The following LRRC8A variants were observed in gnomAD, a reference collection of about 807,000 sequenced individuals.
LRRC8A encodes leucine rich repeat containing 8 VRAC subunit A, also known as volume-regulated anion channel subunit LRRC8A.
LRRC8A carries 24 observed loss-of-function variants against 52.5 expected under a neutral mutation model. The observed-to-expected ratio is 0.46, with a 90% confidence interval of 0.33 to 0.64. The LOEUF is 0.64. Among genes scored for constraint, LRRC8A ranks in the 30% least tolerant of loss-of-function variants. LRRC8A has a pLI of 0.02. For synonymous variants in LRRC8A, 492 were observed against 494.2 expected (o/e 1.00, Z 0.06); for missense variants, 677 against 1,094.7 (o/e 0.62, Z 5.38).
Position 128,907,115 on chromosome 9 carries a change from A to G in LRRC8A, c.-8-42A>G. ...CCTGACCCCTGGTCCTAGGAAAGCC[A>G]GGCCACCCTGTGCTAACCCCCCTCC... On this transcript the variant is annotated intron_variant, in intron 2 of 3. Coordinates refer to ENST00000372600, the MANE Select transcript of LRRC8A (RefSeq NM_019594.4). The surrounding 1 kb of genome is among the most constrained non-coding windows in gnomAD (Gnocchi z 9.3). 1.3e-6 allele frequency: 2 copies of G among 1,508,596 alleles called. No homozygotes were observed. Among genetic ancestry groups the G allele is most frequent in the Non-Finnish European group, 1.8e-6 (2 of 1,106,034 alleles). 93.5% of individuals were successfully genotyped at this position (1,508,596 alleles called of 1,614,324 possible).
At chr9:128,893,018 TG>T (rs565402224) in intron 2 of LRRC8A, among the ~76,000 whole-genome samples, 4 of 152,096 alleles carry the variant, frequency 2.6e-5, no homozygotes, top group African/African-American at 7.2e-5. Flanking sequence ...TGGTGCGTGC[TG>T]GGGGGGTCTC....
intron 2 of LRRC8A, among the ~76,000 whole-genome samples, chr9:128,893,746 C>T (rs904287434): frequency 2.6e-5 from 4 of 152,144 alleles, no homozygotes; most frequent in South Asian, 2.1e-4. Flanking sequence ...CATAAACATA[C>T]CAGATTTAAA....
chr9:128,901,791 C>A (rs1170157052), intron 2 of LRRC8A, among the ~76,000 whole-genome samples: 1 of 152,148 alleles, frequency 6.6e-6, no homozygotes, highest in African/African-American at 2.4e-5. Context: ...TGGGAGGGAG[C>A]CTGCCCCTGT....
In LRRC8A at chr9:128,882,262, G is replaced by T; in HGVS notation, c.-116+12G>T. 6.5e-6 allele frequency: 1 copy of T among 152,890 alleles called. No individual in the cohort carries two copies. Among genetic ancestry groups the T allele is most frequent in the South Asian group, 2.0e-4 (1 of 5,104 alleles). 9.5% of individuals were successfully genotyped at this position (152,890 alleles called of 1,614,324 possible). On this transcript the variant is annotated intron_variant, in intron 1 of 3. Coordinates refer to ENST00000372600, the MANE Select transcript of LRRC8A (RefSeq NM_019594.4). ...CGCGGCGAGCCCAGGTGAGTGGACG[G>T]GGTGGGGAAAGGGGCGCGAGCTGTC...
At position 128,907,360 on chromosome 9, in the gene LRRC8A, AATGATTCGTTCCGGGG is replaced by A; in HGVS notation, c.197_212del (p.Asn66ThrfsTer91). On this transcript the variant is annotated frameshift_variant, in exon 3 of 4. Coordinates refer to ENST00000372600, the MANE Select transcript of LRRC8A (RefSeq NM_019594.4). LOFTEE classifies it high-confidence loss of function. The surrounding 1 kb of genome is among the most constrained non-coding windows in gnomAD (Gnocchi z 9.3). ...TAAGTGGGTCACCAAGGACTCCTGCAATGATTCGTTCCGGGGCTGGGCAGCCCCTGGCCCGGAGCCC... is the reference window on the plus strand; with the variant it reads ...TAAGTGGGTCACCAAGGACTCCTGCACTGGGCAGCCCCTGGCCCGGAGCCC... 6.2e-7 allele frequency: 1 copy of A among 1,613,784 alleles called. No individual in the cohort carries two copies.
chr9:128,888,403 G>C (rs563282309), intron 2 of LRRC8A, among the ~76,000 whole-genome samples: 1 of 152,284 alleles, frequency 6.6e-6, no homozygotes, highest in Non-Finnish European at 1.5e-5. Context: ...GACAAATTGA[G>C]TCTGAGCCAT....
chr9:128,905,103 G>A (rs1021703242), intron 2 of LRRC8A, among the ~76,000 whole-genome samples: 2 of 152,032 alleles, frequency 1.3e-5, no homozygotes, highest in Non-Finnish European at 2.9e-5. Context: ...TGACCAGGAG[G>A]TTGAGGCTGC....
At chr9:128,896,052 A>G (rs1025091787) in intron 2 of LRRC8A, among the ~76,000 whole-genome samples, 1 of 152,238 alleles carries the variant, frequency 6.6e-6, no homozygotes, top group African/African-American at 2.4e-5. Context: ...AGCACAGTTG[A>G]AGTCCCTTCC....
intron 2 of LRRC8A, among the ~76,000 whole-genome samples, chr9:128,900,688 A>G (rs1483577369): frequency 6.6e-6 from 1 of 152,188 alleles, no homozygotes; most frequent in Non-Finnish European, 1.5e-5. Flanking sequence ...CCTGAGTGAC[A>G]GATTGAGACT....
At chr9:128,905,838 G>A (rs1216807592) in intron 2 of LRRC8A, among the ~76,000 whole-genome samples, 3 of 151,756 alleles carry the variant, frequency 2.0e-5, no homozygotes, top group African/African-American at 4.8e-5. Context: ...GCAAGACTCC[G>A]TCTCAAAAAA....
intron 2 of LRRC8A, among the ~76,000 whole-genome samples, chr9:128,896,435 A>G (rs1305924146): frequency 6.6e-6 from 1 of 152,204 alleles, no homozygotes; most frequent in Non-Finnish European, 1.5e-5. Context: ...TGCATAAATA[A>G]TGAGGAGAGG....
chr9:128,907,473 G>C lies in LRRC8A; in HGVS notation c.309G>C (p.Arg103=), dbSNP rs1362702203. Residue 103 remains arginine (R), a synonymous_variant, in exon 3 of 4, where the codon CGG becomes CGC. Transcript: ENST00000372600. The surrounding 1 kb of genome is among the most constrained non-coding windows in gnomAD (Gnocchi z 9.3). ...CAGGCATCAAGTATGACCTGGACCGGCACCAGTACAACTACGTGGACGCTG... is the reference window on the plus strand; with the variant it reads ...CAGGCATCAAGTATGACCTGGACCGCCACCAGTACAACTACGTGGACGCTG... ...GPTGIKYDLD[R]HQYNYVDAVC... The C allele has an allele frequency of 6.2e-7, 1 of 1,613,798 alleles. No individual in the cohort carries two copies. Among genetic ancestry groups the C allele is most frequent in the Non-Finnish European group, 8.5e-7 (1 of 1,180,042 alleles).
chr9:128,895,850 G>A (rs1175730595), intron 2 of LRRC8A, among the ~76,000 whole-genome samples: 1 of 152,226 alleles, frequency 6.6e-6, no homozygotes, highest in Non-Finnish European at 1.5e-5. Context: ...ATGCAGGGTA[G>A]GAATGCATGA....
chr9:128,904,570 G>A (rs1039314444), intron 2 of LRRC8A, among the ~76,000 whole-genome samples: 3 of 152,104 alleles, frequency 2.0e-5, no homozygotes, highest in African/African-American at 7.2e-5. Flanking sequence ...AGAAAGGGCT[G>A]GGTGCAGTGC....
intron 3 of LRRC8A, among the ~76,000 whole-genome samples, chr9:128,915,016 G>C (rs1840745836): frequency 6.6e-6 from 1 of 152,180 alleles, no homozygotes; most frequent in Non-Finnish European, 1.5e-5. Context: ...GGACAAGTCA[G>C]CGTCTTTGGG....
Position 128,907,469 on chromosome 9 carries a change from A to C in LRRC8A, c.305A>C (p.Asp102Ala). 6.2e-7 allele frequency: 1 copy of C among 1,613,974 alleles called. No individual in the cohort carries two copies. The highest frequency in any genetic ancestry group is 1.6e-4 in the Middle Eastern group (1 of 6,062). The change falls in exon 3 of 4, where the codon GAC (aspartate) becomes GCC (alanine). Residue 102 changes from aspartate (D) to alanine (A), a missense_variant. This residue lies in a region of LRRC8A where 422 missense variants were observed against 741.5 expected (regional missense o/e 0.57). Coordinates refer to ENST00000372600, the MANE Select transcript of LRRC8A (RefSeq NM_019594.4). The surrounding 1 kb of genome is among the most constrained non-coding windows in gnomAD (Gnocchi z 9.3). ...TGPTGIKYDL[D>A]RHQYNYVDAV... ...CCCACAGGCATCAAGTATGACCTGG[A>C]CCGGCACCAGTACAACTACGTGGAC... is the stretch of plus-strand genomic sequence containing the variant.
chr9:128,909,424 C>T lies in LRRC8A; in HGVS notation c.2157+103C>T, dbSNP rs1840405008. 9 of 1,158,130 alleles carry T rather than the reference C, an allele frequency of 7.8e-6. No homozygotes were observed. In the South Asian group the frequency reaches 1.2e-4, roughly 16 times the overall value. 71.7% of individuals were successfully genotyped at this position (1,158,130 alleles called of 1,614,324 possible). A position where few individuals can be genotyped will look rare whatever the true frequency, so the allele number is the denominator to read the frequency against. On this transcript the variant is annotated intron_variant, in intron 3 of 3. Coordinates refer to ENST00000372600, the MANE Select transcript of LRRC8A (RefSeq NM_019594.4). Reference sequence around the variant, plus strand: ...CTCAGTGTCCTGGGACCGTCGATGCCCCTGAGTGTGGAGTCCTCACCTGGG... The same window carrying T: ...CTCAGTGTCCTGGGACCGTCGATGCTCCTGAGTGTGGAGTCCTCACCTGGG...
rs538384156 is a variant in LRRC8A, at chr9:128,904,706, G to A, written c.-8-2451G>A. On this transcript the variant is annotated intron_variant, in intron 2 of 3. Transcript: ENST00000372600. ...CTACAAAAAATTTTAAAAATTAGCC[G>A]GGCATGGGCCAGGTATGGTGGTTCA... Among the ~76,000 whole-genome samples the A allele has an allele frequency of 1.4e-4, 22 of 151,792 alleles. No individual in the cohort carries two copies. In the South Asian group the frequency reaches 2.1e-3, roughly 14 times the overall value.
intron 2 of LRRC8A, among the ~76,000 whole-genome samples, chr9:128,891,915 A>G (rs1417304940): frequency 1.3e-5 from 2 of 152,080 alleles, no homozygotes; most frequent in African/African-American, 4.8e-5. Context: ...CAGGTTACCA[A>G]ACTTCTCTGG....
Sources: allele counts gnomAD v4.1 joint callset (sites outside exome capture counted in the v4.1 genomes callset), GRCh38; gene constraint gnomAD v4.1.1; regional missense constraint gnomAD v4.1.1; non-coding constraint Gnocchi (gnomAD v3.1); transcripts MANE v1.5; gene names NCBI Gene and HGNC (gene_info 2026-07-23, HGNC 2026-07-21).